TUSC3: variants seen among roughly 807,000 people sequenced by gnomAD.
TUSC3 encodes tumor suppressor candidate 3.
In TUSC3, 45 loss-of-function variants were observed where a neutral mutation model predicts 44.8. The observed-to-expected ratio is 1.00, with a 90% CI of 0.79 to 1.29. TUSC3 has a LOEUF of 1.29. Among genes scored for constraint, TUSC3 ranks in the 50% most tolerant of loss-of-function variants. The probability of loss-of-function intolerance (pLI) is 0.00; values close to 1 mark genes in which losing one functional copy is unlikely to be tolerated. For missense variants in TUSC3, 519 were observed against 437.9 expected (o/e 1.19, Z -1.65); for synonymous variants, 212 against 152.9 (o/e 1.39, Z -2.85).
chr8:15,625,973 C>G (rs1037095102), intron 2 of TUSC3, among the ~76,000 whole-genome samples: 1 of 152,160 alleles, frequency 6.6e-6, no homozygotes, highest in Non-Finnish European at 1.5e-5. Context: ...GTATATATAC[C>G]TTAACGATGG....
chr8:15,619,904 A>G (rs1223412107), intron 1 of TUSC3, among the ~76,000 whole-genome samples: 1 of 152,176 alleles, frequency 6.6e-6, no homozygotes, highest in African/African-American at 2.4e-5. Context: ...TAAGAAAGAG[A>G]GAGCATTCAG....
At chr8:15,769,455 A>G (rs774370012), downstream of TUSC3, among the ~76,000 whole-genome samples, 1 of 152,166 alleles carries the variant, frequency 6.6e-6, no homozygotes, top group Non-Finnish European at 1.5e-5. Flanking sequence ...TTAAATGTTA[A>G]GACCTAAAAC....
chr8:15,586,778 G>T (rs1410358763), intron 1 of TUSC3, among the ~76,000 whole-genome samples: 1 of 152,174 alleles, frequency 6.6e-6, no homozygotes, highest in Non-Finnish European at 1.5e-5. Flanking sequence ...TGGGGAGCAG[G>T]ATCAGTAGGT....
At chr8:15,838,042 T>G in the TUSC3 span, among the ~76,000 whole-genome samples, 6 of 150,520 alleles carry the variant, frequency 4.0e-5, no homozygotes, top group South Asian at 1.3e-3. Flanking sequence ...TGGATGGAGA[T>G]AGCCAATTCT....
intron 7 of TUSC3, among the ~76,000 whole-genome samples, chr8:15,730,935 A>AT (rs1004654847): frequency 2.0e-4 from 29 of 145,590 alleles, no homozygotes; most frequent in African/African-American, 5.5e-4. Context: ...ACAGATCATA[A>AT]TTTTTTTTTA....
chr8:15,595,168 C>T (rs979385216), intron 1 of TUSC3, among the ~76,000 whole-genome samples: 3 of 152,096 alleles, frequency 2.0e-5, no homozygotes, highest in African/African-American at 4.8e-5. Flanking sequence ...CTCTTAAGGC[C>T]GTTTGGAGAA....
At chr8:15,846,032 C>T in the TUSC3 span, among the ~76,000 whole-genome samples, 8 of 152,008 alleles carry the variant, frequency 5.3e-5, no homozygotes. Context: ...TCAGATAAAC[C>T]CATGAGATCT....
rs1812285939 is a variant in TUSC3, at chr8:15,764,913, A to C, written c.*757A>C. On this transcript the variant is annotated 3_prime_UTR_variant, in exon 11 of 11. Coordinates refer to ENST00000503731, the MANE Select transcript of TUSC3 (RefSeq NM_006765.4). ...GGAATCCAGACTTAAAAATAAGAGCAAACTTAACACACTATCCATTTTCGA... is the reference window on the plus strand; with the variant it reads ...GGAATCCAGACTTAAAAATAAGAGCCAACTTAACACACTATCCATTTTCGA... 1 of 152,022 alleles carries C rather than the reference A, an allele frequency of 6.6e-6. No individual in the cohort carries two copies. The highest frequency in any genetic ancestry group is 2.1e-4 in the South Asian group (1 of 4,834). The allele number at this position is 152,022 out of a possible 1,614,324, so 9.4% of individuals were successfully genotyped here. A position where few individuals can be genotyped will look rare whatever the true frequency, so the allele number is the denominator to read the frequency against.
At chr8:15,836,779 C>G in the TUSC3 span, among the ~76,000 whole-genome samples, 9 of 152,218 alleles carry the variant, frequency 5.9e-5, no homozygotes, top group African/African-American at 1.9e-4. Context: ...CACTTAATTT[C>G]TAACTTTAAA....
In TUSC3 at chr8:15,540,487, C is replaced by G. The variant is rs765350599; in HGVS notation, c.57C>G (p.Tyr19Ter). The change falls in exon 1 of 11, where the codon TAC becomes TAG. Residue 19 changes from tyrosine to a stop codon, truncating the protein, a stop_gained. Transcript: ENST00000503731. LOFTEE classifies it high-confidence loss of function. ...RRRQAGRRLR[Y>*]LPTGSFPFLL... ...GGCAAGCGGGGCGGCGGCTGCGGTA[C>G]CTGCCCACCGGGAGCTTTCCCTTCC... 1 of 1,608,262 alleles carries G rather than the reference C, an allele frequency of 6.2e-7. No homozygotes were observed. The highest frequency in any genetic ancestry group is 8.5e-7 in the Non-Finnish European group (1 of 1,178,052).
intron 1 of TUSC3, among the ~76,000 whole-genome samples, chr8:15,615,660 A>T (rs1271352676): frequency 1.3e-5 from 2 of 152,192 alleles, no homozygotes; most frequent in Non-Finnish European, 2.9e-5. Context: ...GTTTGAGGTG[A>T]TACATATTCT....
chr8:15,690,745 A>C (rs964868863), intron 6 of TUSC3, among the ~76,000 whole-genome samples: 1 of 152,062 alleles, frequency 6.6e-6, no homozygotes, highest in Admixed American at 6.6e-5. Context: ...AGCACCCCTT[A>C]CTGAATAGGG....
rs193033807 is a variant in TUSC3, at chr8:15,488,338, A to G, written n.189+4855A>G. 2.4e-4 allele frequency among the ~76,000 whole-genome samples: 36 copies of G among 151,972 alleles called. No individual in the cohort carries two copies. In the East Asian group the frequency reaches 6.8e-3, roughly 29 times the overall value. ...ATAGACCCCATCTCTACCAAAAAAA[A>G]AAAAATTAAAATAAATAGCTGGGTG... On this transcript the variant is annotated intron_variant and non_coding_transcript_variant, in intron 2 of 5. Coordinates refer to the TUSC3 transcript ENST00000503191.
At chr8:15,629,929 C>T (rs931669748) in intron 2 of TUSC3, among the ~76,000 whole-genome samples, 11 of 151,968 alleles carry the variant, frequency 7.2e-5, no homozygotes, top group African/African-American at 2.7e-4. Context: ...TCCCTCAGTG[C>T]TAACATCAAA....
chr8:15,729,621 C>T (rs1052054159), intron 6 of TUSC3, among the ~76,000 whole-genome samples: 5 of 152,056 alleles, frequency 3.3e-5, no homozygotes, highest in Non-Finnish European at 4.4e-5. Flanking sequence ...AACAGAAAAC[C>T]AAGTACCACA....
intron 9 of TUSC3, among the ~76,000 whole-genome samples, chr8:15,753,243 A>ATATC (rs1284169722): frequency 6.6e-6 from 1 of 152,006 alleles, no homozygotes; most frequent in East Asian, 1.9e-4. Context: ...CCCTCTAATT[A>ATATC]TATCTTCCCA....
intron 1 of TUSC3, among the ~76,000 whole-genome samples, chr8:15,552,154 A>C (rs1241858504): frequency 6.6e-6 from 1 of 151,812 alleles, no homozygotes; most frequent in African/African-American, 2.4e-5. Context: ...TGATGATTTT[A>C]CGTAGAAATA....
intron 1 of TUSC3, among the ~76,000 whole-genome samples, chr8:15,434,723 C>T (rs1799923470): frequency 6.6e-6 from 1 of 151,272 alleles, no homozygotes; most frequent in East Asian, 2.0e-4. Context: ...GTGTGATATT[C>T]CCCTTGCTGT....
the TUSC3 span, among the ~76,000 whole-genome samples, chr8:15,821,616 C>G: frequency 4.0e-5 from 6 of 151,422 alleles, no homozygotes; most frequent in Non-Finnish European, 8.8e-5. Flanking sequence ...TCTACCAATG[C>G]TGATGTTCTC....
Sources: gnomAD v4.1 joint callset for allele counts (sites outside exome capture counted in the v4.1 genomes callset) on GRCh38, gnomAD v4.1.1 for gene constraint, MANE v1.5 for transcripts, NCBI Gene and HGNC (gene_info 2026-07-23, HGNC 2026-07-21) for gene names.